The following FER variants were observed in gnomAD, a reference collection of about 807,000 sequenced individuals.
The protein encoded by FER is tyrosine-protein kinase Fer.
In FER, 63 loss-of-function variants were observed where a neutral mutation model predicts 111.0. The observed-to-expected ratio is 0.57, with a 90% CI of 0.46 to 0.70. The LOEUF (loss-of-function observed/expected upper bound fraction) is 0.70. Among genes scored for constraint, FER ranks in the 30% least tolerant of loss-of-function variants. The pLI, the probability that FER is intolerant of heterozygous loss-of-function variation, is 0.00. For synonymous variants in FER, 327 were observed against 313.9 expected (o/e 1.04, Z -0.44); for missense variants, 914 against 954.0 (o/e 0.96, Z 0.55).
intron 13 of FER, among the ~76,000 whole-genome samples, chr5:109,000,882 G>T (rs374646777): frequency 6.6e-5 from 10 of 152,072 alleles, no homozygotes; most frequent in Admixed American, 2.6e-4. Flanking sequence ...ACACCTCTAC[G>T]CAAATAAACT....
At chr5:109,010,988 A>G (rs891459718) in intron 13 of FER, among the ~76,000 whole-genome samples, 2 of 152,228 alleles carry the variant, frequency 1.3e-5, no homozygotes, top group Admixed American at 1.3e-4. Flanking sequence ...GGAATTAAAA[A>G]TTACCCATGA....
At chr5:109,064,232 A>G (rs557938661) in intron 16 of FER, among the ~76,000 whole-genome samples, 1 of 152,172 alleles carries the variant, frequency 6.6e-6, no homozygotes, top group Non-Finnish European at 1.5e-5. Flanking sequence ...TACATGTGAC[A>G]TAAGTTGGTA....
At chr5:108,790,737 C>A (rs1008835057) in intron 2 of FER, among the ~76,000 whole-genome samples, 1 of 152,278 alleles carries the variant, frequency 6.6e-6, no homozygotes, top group African/African-American at 2.4e-5. Context: ...TATGCAGGCA[C>A]TACTACAATC....
chr5:108,964,569 T>A (rs903923665), intron 13 of FER, among the ~76,000 whole-genome samples: 1 of 151,974 alleles, frequency 6.6e-6, no homozygotes, highest in Non-Finnish European at 1.5e-5. Flanking sequence ...TGAAGCAGAG[T>A]GGTCAAAAGG....
chr5:108,845,097 A>C lies in FER; in HGVS notation c.481+9290A>C, dbSNP rs538054921. 2.7e-5 allele frequency among the ~76,000 whole-genome samples: 3 copies of C among 111,846 alleles called. 1 individual carries two copies. The East Asian group carries it at 8.1e-4, about 30-fold the overall frequency. The allele number at this position is 111,846 out of a possible 152,430, so 73.4% of individuals were successfully genotyped here. A position where few individuals can be genotyped will look rare whatever the true frequency, so the allele number is the denominator to read the frequency against. The stretch of plus-strand genomic sequence containing the variant: ...ACACACACACACACACACACACACA[A>C]TTGATTTTTGAATATTAACTTTTAT... On this transcript the variant is annotated intron_variant, in intron 5 of 19. Transcript: ENST00000281092.
intron 18 of FER, among the ~76,000 whole-genome samples, chr5:109,183,482 C>G (rs981058076): frequency 2.0e-5 from 3 of 152,132 alleles, no homozygotes; most frequent in African/African-American, 7.2e-5. Flanking sequence ...CTCCTGACCT[C>G]TGGTGATCCA....
chr5:109,065,015 A>G (rs1026804854), intron 16 of FER, among the ~76,000 whole-genome samples: 2 of 152,160 alleles, frequency 1.3e-5, no homozygotes, highest in African/African-American at 4.8e-5. Context: ...ATTTGATGCA[A>G]ATGTTAGAGG....
intron 10 of FER, among the ~76,000 whole-genome samples, chr5:108,931,814 G>T (rs1246434513): frequency 6.6e-6 from 1 of 151,964 alleles, no homozygotes; most frequent in African/African-American, 2.4e-5. Context: ...TAGGCGACAA[G>T]AATGAAACTC....
intron 10 of FER, among the ~76,000 whole-genome samples, chr5:108,929,059 A>G (rs1378658365): frequency 2.0e-5 from 3 of 152,180 alleles, no homozygotes; most frequent in East Asian, 3.8e-4. Context: ...ACCCCCAGAT[A>G]TAGACTGTAA....
chr5:108,942,169 A>G (rs1477410118), intron 10 of FER, among the ~76,000 whole-genome samples: 1 of 152,154 alleles, frequency 6.6e-6, no homozygotes, highest in Non-Finnish European at 1.5e-5. Context: ...CTGGCTATTG[A>G]ATAGGACGGG....
At chr5:108,799,582 T>C (rs1756408898) in intron 3 of FER, among the ~76,000 whole-genome samples, 1 of 152,338 alleles carries the variant, frequency 6.6e-6, no homozygotes, top group South Asian at 2.1e-4. Flanking sequence ...TGAATTTGCA[T>C]GCAGTATTTA....
chr5:108,982,217 G>C (rs189336616), intron 13 of FER, among the ~76,000 whole-genome samples: 1 of 152,136 alleles, frequency 6.6e-6, no homozygotes, highest in Non-Finnish European at 1.5e-5. Flanking sequence ...CCTAAAGTTT[G>C]AGAACCTGTA....
intron 8 of FER, among the ~76,000 whole-genome samples, chr5:108,880,832 C>T (rs750154414): frequency 2.6e-4 from 40 of 151,826 alleles, no homozygotes; most frequent in African/African-American, 6.1e-4. Flanking sequence ...TATCAAATGC[C>T]GTCAGAGACT....
intron 12 of FER, among the ~76,000 whole-genome samples, chr5:108,955,235 T>C (rs555176339): frequency 3.9e-5 from 6 of 151,924 alleles, no homozygotes; most frequent in Non-Finnish European, 7.4e-5. Flanking sequence ...CTAAAAACAA[T>C]GTGATTATTA....
At chr5:108,879,701 A>AAAAAAAATATAT in intron 8 of FER, among the ~76,000 whole-genome samples, 3 of 99,128 alleles carry the variant, frequency 3.0e-5, no homozygotes, top group African/African-American at 1.4e-4. Flanking sequence ...ATTAAAAAAA[A>AAAAAAAATATAT]ATATATATAT....
chr5:109,052,045 C>T (rs1772912218), intron 16 of FER: 30 of 1,599,276 alleles, frequency 1.9e-5, no homozygotes, highest in Non-Finnish European at 2.5e-5. Context: ...CTCTTCAATA[C>T]CATACTTGAA....
At chr5:108,858,820 G>A (rs999699019) in intron 5 of FER, among the ~76,000 whole-genome samples, 45 of 117,168 alleles carry the variant, frequency 3.8e-4, no homozygotes, top group African/African-American at 1.4e-3. Context: ...TTTTTCATTC[G>A]TTTCAACAGC....
intron 13 of FER, among the ~76,000 whole-genome samples, chr5:108,994,378 A>G: frequency 6.6e-6 from 1 of 152,120 alleles, no homozygotes; most frequent in East Asian, 1.9e-4. Flanking sequence ...TCTTTTCCCC[A>G]TTGCTTGTTT....
chr5:109,147,901 G>T (rs1261530824), intron 17 of FER, among the ~76,000 whole-genome samples: 1 of 151,366 alleles, frequency 6.6e-6, no homozygotes, highest in African/African-American at 2.4e-5. Context: ...AAATAAGTTT[G>T]TTCTTTTTTT....
Sources: gnomAD v4.1 joint callset for allele counts (sites outside exome capture counted in the v4.1 genomes callset) on GRCh38, gnomAD v4.1.1 for gene constraint, MANE v1.5 for transcripts, NCBI Gene and HGNC (gene_info 2026-07-23, HGNC 2026-07-21) for gene names.